Variants in PCDHA13 observed in about 807,000 individuals in gnomAD.
PCDHA13 encodes protocadherin alpha-13.
PCDHA13 carries 54 observed loss-of-function variants against 64.8 expected under a neutral mutation model. The observed-to-expected ratio is 0.83, with a 90% CI of 0.67 to 1.04. The LOEUF (loss-of-function observed/expected upper bound fraction) is 1.04, where lower values mean the gene tolerates loss of function less well. Ranked by LOEUF, PCDHA13 falls within the 50% of genes least tolerant of loss-of-function variation. The pLI, the probability that PCDHA13 is intolerant of heterozygous loss-of-function variation, is 0.00. For synonymous variants in PCDHA13, 587 were observed against 564.4 expected, an observed-to-expected ratio of 1.04 and a Z score of -0.57; for missense variants, 1,248 against 1,254.3, an observed-to-expected ratio of 0.99 and a Z score of 0.08.
chr5:140,925,427 G>A (rs1394500937), intron 1 of PCDHA13, among the ~76,000 whole-genome samples: 2 of 152,012 alleles, frequency 1.3e-5, no homozygotes, highest in Non-Finnish European at 2.9e-5. Context: ...CTGGTTGTAG[G>A]GTGTTAGGCA....
At chr5:140,928,885 C>T in intron 1 of PCDHA13, 1 of 1,614,194 alleles carries the variant, frequency 6.2e-7, no homozygotes, top group Non-Finnish European at 8.5e-7. Context: ...TCAGTTACTT[C>T]CAGACTTTGA....
In PCDHA13 at chr5:140,882,423, T is replaced by C. The variant is rs1554174072; in HGVS notation, c.155T>C (p.Leu52Pro). Residue 52 changes from leucine to proline, a missense_variant, in exon 1 of 4, where the codon CTG becomes CCG. By Grantham distance (98) the Leu-to-Pro change is moderately conservative (BLOSUM62 -3). Coordinates refer to ENST00000289272, the MANE Select transcript of PCDHA13 (RefSeq NM_018904.3). ...TTCGTGGGCCGCATCGCTCAGGACC[T>C]GGGGCTGGAGCTGGCGGAGCTGGTG... ...GTFVGRIAQDLGLELAELVPR... is the reference protein window; with the variant it reads ...GTFVGRIAQDPGLELAELVPR... 1.2e-6 allele frequency: 2 copies of C among 1,614,052 alleles called. No individual in the cohort carries two copies. The highest frequency in any genetic ancestry group is 2.7e-5 in the African/African-American group (2 of 75,042).
At chr5:140,969,968 G>A (rs935403265) in intron 1 of PCDHA13, among the ~76,000 whole-genome samples, 2 of 152,200 alleles carry the variant, frequency 1.3e-5, no homozygotes, top group Non-Finnish European at 2.9e-5. Flanking sequence ...GCTGTATGAT[G>A]TGGCAACTCT....
intron 3 of PCDHA13, among the ~76,000 whole-genome samples, chr5:140,992,437 T>G (rs1554252912): frequency 6.6e-6 from 1 of 151,938 alleles, no homozygotes; most frequent in African/African-American, 2.4e-5. Context: ...GTTCCAAGAG[T>G]TGGGAGCAGG....
intron 1 of PCDHA13, among the ~76,000 whole-genome samples, chr5:140,900,299 GAC>G (rs1372785177): frequency 6.6e-6 from 1 of 151,604 alleles, no homozygotes; most frequent in Non-Finnish European, 1.5e-5. Flanking sequence ...TGTTTTTTTA[GAC>G]AGTCTCACTT....
Position 141,010,115 on chromosome 5 carries a change from C to A in PCDHA13, c.*178C>A, listed in dbSNP as rs1037998611. 1.2e-6 allele frequency: 2 copies of A among 1,609,682 alleles called. No individual in the cohort carries two copies. The highest frequency in any genetic ancestry group is 2.2e-5 in the South Asian group (2 of 90,640). ...CATTTAACAGGTTTTGTCGTAAAAG[C>A]TTTACTAAGTCTGGTGTTAACTCTT... On this transcript the variant is annotated 3_prime_UTR_variant, in exon 4 of 4. Transcript: ENST00000289272.
chr5:140,916,721 T>G (rs2077698319), intron 1 of PCDHA13, among the ~76,000 whole-genome samples: 1 of 152,186 alleles, frequency 6.6e-6, no homozygotes, highest in Non-Finnish European at 1.5e-5. Context: ...AAGGAGTGAC[T>G]TTTGTTGCTG....
intron 2 of PCDHA13, among the ~76,000 whole-genome samples, chr5:140,980,889 T>C (rs1554242442): frequency 2.6e-5 from 4 of 152,202 alleles, no homozygotes; most frequent in Non-Finnish European, 4.4e-5. Flanking sequence ...GTCTTTCCAG[T>C]CTTGGACATC....
chr5:140,929,118 A>T, intron 1 of PCDHA13: 2 of 1,614,150 alleles, frequency 1.2e-6, no homozygotes, highest in Non-Finnish European at 1.7e-6. Context: ...CAGCCACCAT[A>T]GATGTCACTA....
At chr5:140,909,519 T>C (rs975700982) in intron 1 of PCDHA13, among the ~76,000 whole-genome samples, 4 of 152,214 alleles carry the variant, frequency 2.6e-5, no homozygotes, top group Non-Finnish European at 4.4e-5. Context: ...TCACAACCCC[T>C]GCACATTTTG....
At chr5:140,897,458 G>A (rs191522392) in intron 1 of PCDHA13, among the ~76,000 whole-genome samples, 7 of 151,428 alleles carry the variant, frequency 4.6e-5, no homozygotes, top group African/African-American at 2.4e-5. Context: ...TTGTCCTTGC[G>A]ATAGTTTACT....
chr5:141,008,731 A>G (rs570212555), intron 3 of PCDHA13, among the ~76,000 whole-genome samples: 88 of 152,328 alleles, frequency 5.8e-4, no homozygotes, highest in Non-Finnish European at 1.0e-3. Flanking sequence ...GTCCAACTAG[A>G]CTGTGAGCAC....
intron 1 of PCDHA13, among the ~76,000 whole-genome samples, chr5:140,952,416 G>A (rs114343205): frequency 2.1e-3 from 324 of 151,824 alleles, no homozygotes; most frequent in African/African-American, 7.0e-3. Flanking sequence ...TTAATGTTCC[G>A]CAGATTCCTA....
intron 1 of PCDHA13, among the ~76,000 whole-genome samples, chr5:140,894,100 G>C (rs1554185932): frequency 2.0e-5 from 3 of 151,990 alleles, no homozygotes; most frequent in African/African-American, 7.3e-5. Context: ...CTAGCTCCTG[G>C]TGTTGCAGAT....
At position 140,932,324 on chromosome 5, in the gene PCDHA13, A is replaced by C. The variant is rs188019504; in HGVS notation, c.2395-46625A>C. On this transcript the variant is annotated intron_variant, in intron 1 of 3. Coordinates refer to ENST00000289272, the MANE Select transcript of PCDHA13 (RefSeq NM_018904.3). Reference sequence around the variant, plus strand: ...AAAGGTATAAATATATTAATGTAGCAAAAATGCATGAAACACTTACCATAC... The same window carrying C: ...AAAGGTATAAATATATTAATGTAGCCAAAATGCATGAAACACTTACCATAC... Among the ~76,000 whole-genome samples the C allele has an allele frequency of 5.8e-3, 886 of 152,084 alleles. 7 individuals are homozygous for C. The highest frequency in any genetic ancestry group is 0.021 in the African/African-American group (858 of 41,564).
At chr5:140,895,143 A>C (rs115893558) in intron 1 of PCDHA13, among the ~76,000 whole-genome samples, 3,577 of 152,272 alleles carry the variant, frequency 0.023, 51 homozygotes, top group Middle Eastern at 0.034. Flanking sequence ...CATAGGGCTA[A>C]GACAGGTTTA....
chr5:140,898,246 A>G (rs377438166), intron 1 of PCDHA13, among the ~76,000 whole-genome samples: 49 of 152,286 alleles, frequency 3.2e-4, no homozygotes, highest in African/African-American at 1.1e-3. Context: ...TTGGTGTTTT[A>G]GACATGAAGT....
In PCDHA13 at chr5:141,010,299, T is replaced by G; in HGVS notation, c.*362T>G. ...TCTTGATGACACTTGCAGGGCAGGCTGAAAAGTTTTGAGATTGAGCAGCTT... is the reference window on the plus strand; with the variant it reads ...TCTTGATGACACTTGCAGGGCAGGCGGAAAAGTTTTGAGATTGAGCAGCTT... On this transcript the variant is annotated 3_prime_UTR_variant, in exon 4 of 4. Transcript: ENST00000289272. 6.5e-7 allele frequency: 1 copy of G among 1,549,016 alleles called. No homozygotes were observed. The highest frequency in any genetic ancestry group is 2.4e-5 in the East Asian group (1 of 40,892).
intron 1 of PCDHA13, among the ~76,000 whole-genome samples, chr5:140,963,103 G>A (rs2095737477): frequency 1.3e-5 from 2 of 151,910 alleles, no homozygotes; most frequent in South Asian, 4.1e-4. Flanking sequence ...CTGCTTTCAG[G>A]TTGCTTATAA....
Sources: allele counts gnomAD v4.1 joint callset (sites outside exome capture counted in the v4.1 genomes callset), GRCh38; gene constraint gnomAD v4.1.1; transcripts MANE v1.5; gene names NCBI Gene and HGNC (gene_info 2026-07-23, HGNC 2026-07-21).